OR1L8: variants seen among roughly 807,000 people sequenced by gnomAD.
OR1L8 encodes olfactory receptor family 1 subfamily L member 8.
For synonymous variants in OR1L8, 148 were observed against 147.0 expected, an observed-to-expected ratio of 1.01 and a Z score of -0.05; for missense variants, 330 against 377.4, an observed-to-expected ratio of 0.87 and a Z score of 1.04.
chr9:122,570,386 A>G (rs539193726), intron 4 of OR1L8, among the ~76,000 whole-genome samples: 85 of 152,334 alleles, frequency 5.6e-4, no homozygotes, highest in African/African-American at 2.0e-3. Flanking sequence ...CACATTGTGA[A>G]TGGGCCTTAA....
the OR1L8 span, among the ~76,000 whole-genome samples, chr9:122,550,481 A>C: frequency 6.6e-6 from 1 of 152,202 alleles, no homozygotes; most frequent in African/African-American, 2.4e-5. Flanking sequence ...TGGTGACAAT[A>C]GATGCAAAAA....
the OR1L8 span, among the ~76,000 whole-genome samples, chr9:122,548,699 C>T: frequency 0.022 from 3,284 of 150,592 alleles, 52 homozygotes; most frequent in Non-Finnish European, 0.034. Context: ...ACCCATTAAC[C>T]GGTCATTTAC....
chr9:122,557,444 T>G, the OR1L8 span, among the ~76,000 whole-genome samples: 1 of 152,054 alleles, frequency 6.6e-6, no homozygotes, highest in Non-Finnish European at 1.5e-5. Flanking sequence ...GTGAAGTGCT[T>G]TTTCTGCATC....
the OR1L8 span, among the ~76,000 whole-genome samples, chr9:122,546,507 T>C: frequency 1.3e-5 from 2 of 152,184 alleles, no homozygotes; most frequent in Non-Finnish European, 2.9e-5. Flanking sequence ...GTCCAAGTGA[T>C]GACCACCTAC....
intron 2 of OR1L8, among the ~76,000 whole-genome samples, chr9:122,577,827 T>C (rs1829684380): frequency 6.6e-6 from 1 of 152,254 alleles, no homozygotes; most frequent in Non-Finnish European, 1.5e-5. Flanking sequence ...CATTAAGCCA[T>C]GTACATTCTT....
chr9:122,551,433 G>T, the OR1L8 span, among the ~76,000 whole-genome samples: 7 of 152,298 alleles, frequency 4.6e-5, no homozygotes, highest in African/African-American at 1.7e-4. Context: ...TGAGGGTATT[G>T]TTTCCATCAG....
the OR1L8 span, among the ~76,000 whole-genome samples, chr9:122,558,311 C>CTTTTTTTTTTTTTTTTTTTTT: frequency 2.9e-5 from 1 of 34,472 alleles, no homozygotes. Flanking sequence ...TTGGATTTTG[C>CTTTTTTTTTTTTTTTTTTTTT]TTTTTTTTTT....
chr9:122,580,004 A>G (rs964815681), intron 1 of OR1L8, among the ~76,000 whole-genome samples: 3 of 152,194 alleles, frequency 2.0e-5, no homozygotes, highest in Non-Finnish European at 4.4e-5. Flanking sequence ...TCAAGAGCTT[A>G]TCGGTGCAAC....
the OR1L8 span, chr9:122,554,244 T>A: frequency 9.2e-7 from 1 of 1,085,282 alleles, no homozygotes; most frequent in Non-Finnish European, 1.3e-6. Context: ...TACTGTCATG[T>A]TGATATTAGG....
chr9:122,546,575 C>T, the OR1L8 span, among the ~76,000 whole-genome samples: 4 of 152,038 alleles, frequency 2.6e-5, no homozygotes, highest in East Asian at 3.8e-4. Flanking sequence ...AAAAATGCTA[C>T]GGATACAACT....
chr9:122,553,840 T>A, the OR1L8 span: 3 of 1,614,080 alleles, frequency 1.9e-6, no homozygotes, highest in Non-Finnish European at 2.5e-6. Flanking sequence ...TTGCTGTTCC[T>A]CACTGTTCCC....
chr9:122,563,477 G>A (rs1829383660), downstream of OR1L8, among the ~76,000 whole-genome samples: 1 of 151,836 alleles, frequency 6.6e-6, no homozygotes, highest in Non-Finnish European at 1.5e-5. Flanking sequence ...TGTTGTTATC[G>A]AGACATTTGA....
the OR1L8 span, chr9:122,553,254 T>C: frequency 2.5e-6 from 4 of 1,613,780 alleles, no homozygotes; most frequent in Non-Finnish European, 3.4e-6. Context: ...TGTTTCAGAC[T>C]TCCTCCTTCT....
At chr9:122,563,181 G>GTTTTTTTTTT (rs1394601999), downstream of OR1L8, among the ~76,000 whole-genome samples, 1 of 90,206 alleles carries the variant, frequency 1.1e-5, no homozygotes. Context: ...ACTAGCATTT[G>GTTTTTTTTTT]TTATTTTTTT....
the OR1L8 span, chr9:122,553,566 G>A: frequency 6.2e-7 from 1 of 1,614,028 alleles, no homozygotes; most frequent in Non-Finnish European, 8.5e-7. Flanking sequence ...CTGCCTGCTG[G>A]CTGTGATGGC....
the OR1L8 span, among the ~76,000 whole-genome samples, chr9:122,547,651 G>C: frequency 6.6e-6 from 1 of 151,558 alleles, no homozygotes; most frequent in Admixed American, 6.6e-5. Context: ...GTGTGTGTGT[G>C]TGTGTGTACA....
chr9:122,547,715 T>C, the OR1L8 span, among the ~76,000 whole-genome samples: 1 of 151,998 alleles, frequency 6.6e-6, no homozygotes. Context: ...TTAGTTTGAT[T>C]CCATATCTTT....
chr9:122,561,336 C>T, the OR1L8 span, among the ~76,000 whole-genome samples: 1 of 152,170 alleles, frequency 6.6e-6, no homozygotes, highest in South Asian at 2.1e-4. Flanking sequence ...AAGCCTGCCT[C>T]TGTCAGTTCA....
Position 122,567,361 on chromosome 9 carries a change from T to C in OR1L8, c.*187A>G, listed in dbSNP as rs182318618. The C allele has an allele frequency of 1.7e-5, 8 of 457,526 alleles. No individual in the cohort carries two copies. The highest frequency in any genetic ancestry group is 6.0e-5 in the South Asian group (1 of 16,796). 28.3% of individuals were successfully genotyped at this position (457,526 alleles called of 1,614,324 possible). On this transcript the variant is annotated 3_prime_UTR_variant, in exon 5 of 5. Transcript: ENST00000641027. ...AAGAGGAGACACAGACAGGAAACGA[T>C]TGTGATTTAAGAGATACAGGCCGAA...
Sources: gnomAD v4.1 joint callset for allele counts (sites outside exome capture counted in the v4.1 genomes callset) on GRCh38, gnomAD v4.1.1 for gene constraint, MANE v1.5 for transcripts, NCBI Gene and HGNC (gene_info 2026-07-23, HGNC 2026-07-21) for gene names.